The following FAM110B variants were observed in gnomAD, a reference collection of about 807,000 sequenced individuals.
The protein encoded by FAM110B is family with sequence similarity 110 member B.
FAM110B carries 6 observed loss-of-function variants against 20.4 expected under a neutral mutation model. That is an observed-to-expected ratio of 0.29 (90% CI 0.16 to 0.58). FAM110B has a LOEUF of 0.58. Among genes scored for constraint, FAM110B ranks in the 20% least tolerant of loss-of-function variants. The pLI is 0.90. For missense variants in FAM110B, 434 were observed against 498.2 expected (o/e 0.87, Z 1.23); for synonymous variants, 226 against 214.1 (o/e 1.06, Z -0.49).
chr8:58,054,743 G>T (rs1021680852), intron 2 of FAM110B, among the ~76,000 whole-genome samples: 1 of 152,144 alleles, frequency 6.6e-6, no homozygotes, highest in East Asian at 1.9e-4. Context: ...TTGATGGCGG[G>T]AGTGGGGAGA....
At chr8:58,137,228 C>T (rs1803639324) in intron 3 of FAM110B, among the ~76,000 whole-genome samples, 1 of 152,150 alleles carries the variant, frequency 6.6e-6, no homozygotes, top group Non-Finnish European at 1.5e-5. Context: ...TGGTGATTAT[C>T]AATGCCAAGT....
intron 2 of FAM110B, among the ~76,000 whole-genome samples, chr8:58,033,067 T>C (rs891967134): frequency 6.6e-6 from 1 of 151,982 alleles, no homozygotes; most frequent in Non-Finnish European, 1.5e-5. Flanking sequence ...CCCCTGTAAC[T>C]CCCCCCAGTA....
intron 1 of FAM110B, among the ~76,000 whole-genome samples, chr8:57,995,940 A>T (rs1163770661): frequency 3.3e-5 from 5 of 152,354 alleles, no homozygotes; most frequent in Non-Finnish European, 2.9e-5. Context: ...TTTTTGCAGT[A>T]TGGATAGTAG....
chr8:58,077,307 A>AG (rs1806062112), intron 3 of FAM110B: 1 of 152,236 alleles, frequency 6.6e-6, no homozygotes, highest in South Asian at 2.1e-4. Flanking sequence ...TAGAGAGCTG[A>AG]GGGGTTTCCT....
chr8:58,111,169 C>G (rs1406528945), intron 3 of FAM110B, among the ~76,000 whole-genome samples: 1 of 152,156 alleles, frequency 6.6e-6, no homozygotes, highest in Non-Finnish European at 1.5e-5. Context: ...TTTTCCCAAA[C>G]ATAAAGCAAA....
At chr8:58,062,677 T>C (rs1805681724) in intron 2 of FAM110B, among the ~76,000 whole-genome samples, 1 of 152,192 alleles carries the variant, frequency 6.6e-6, no homozygotes, top group Non-Finnish European at 1.5e-5. Context: ...CCCACTATAG[T>C]GGTAACAATC....
intron 2 of FAM110B, among the ~76,000 whole-genome samples, chr8:58,049,995 ATAAAT>A (rs1805407458): frequency 6.6e-6 from 1 of 152,220 alleles, no homozygotes; most frequent in African/African-American, 2.4e-5. Flanking sequence ...AGAAATGTAA[ATAAAT>A]TATATTGTTG....
chr8:58,126,572 G>GTC (rs1245340818), intron 3 of FAM110B, among the ~76,000 whole-genome samples: 1 of 152,010 alleles, frequency 6.6e-6, no homozygotes, highest in Non-Finnish European at 1.5e-5. Flanking sequence ...TGGGTGGTGT[G>GTC]TCTCTCTCTC....
intron 3 of FAM110B, among the ~76,000 whole-genome samples, chr8:58,125,337 G>GA (rs958457748): frequency 1.3e-4 from 20 of 150,382 alleles, no homozygotes; most frequent in African/African-American, 2.4e-4. Context: ...GACAGAGAAA[G>GA]AAAAAAAAAG....
chr8:58,036,646 G>A (rs1189876240), intron 2 of FAM110B, among the ~76,000 whole-genome samples: 1 of 152,192 alleles, frequency 6.6e-6, no homozygotes, highest in Non-Finnish European at 1.5e-5. Flanking sequence ...GGATAGATTA[G>A]TGAGAACCCC....
chr8:58,032,386 A>C (rs1011858261), intron 2 of FAM110B: 2 of 152,218 alleles, frequency 1.3e-5, no homozygotes, highest in African/African-American at 2.4e-5. Context: ...AAACAAATAA[A>C]TGTTACAGAT....
intron 2 of FAM110B, among the ~76,000 whole-genome samples, chr8:58,058,287 C>G (rs1400883236): frequency 6.6e-6 from 1 of 151,288 alleles, no homozygotes; most frequent in Non-Finnish European, 1.5e-5. Context: ...CTTCTTTGAC[C>G]TCAAGATGCT....
Position 58,146,673 on chromosome 8 carries a change from G to A in FAM110B, c.443G>A (p.Arg148Gln), listed in dbSNP as rs765086827. ...AGCTCCCGCAACTGGCCGCCCCACC[G>A]GTCGGAAGCCACTGACCTGCACCGT... is the stretch of plus-strand genomic sequence containing the variant. Reference protein sequence around the residue: ...KHSSRNWPPHRSEATDLHRHS... With the variant: ...KHSSRNWPPHQSEATDLHRHS... Residue 148 changes from arginine to glutamine, a missense_variant, in exon 4 of 4, where the codon CGG becomes CAG. Physicochemically the swap from Arg to Gln is conservative, Grantham distance 43 (BLOSUM62 1). This residue lies in a region of FAM110B where 284 missense variants were observed against 278.3 expected (regional missense o/e 1.02). Coordinates refer to ENST00000519262, the MANE Select transcript of FAM110B (RefSeq NM_001377989.1). The A allele has an allele frequency of 3.0e-5, 49 of 1,612,458 alleles. No homozygotes were observed. The highest frequency in any genetic ancestry group is 1.3e-4 in the Admixed American group (8 of 59,896).
At chr8:58,058,974 C>T (rs1805602650) in intron 2 of FAM110B, among the ~76,000 whole-genome samples, 1 of 152,102 alleles carries the variant, frequency 6.6e-6, no homozygotes, top group Non-Finnish European at 1.5e-5. Flanking sequence ...TTTCTACCTC[C>T]AGAAGAAATC....
At chr8:58,065,452 C>T (rs1332608642) in intron 2 of FAM110B, among the ~76,000 whole-genome samples, 1 of 152,074 alleles carries the variant, frequency 6.6e-6, no homozygotes, top group Non-Finnish European at 1.5e-5. Context: ...TAGAGGATGC[C>T]TATTAACATC....
At chr8:58,014,128 C>T (rs969917323) in intron 1 of FAM110B, among the ~76,000 whole-genome samples, 6 of 152,130 alleles carry the variant, frequency 3.9e-5, no homozygotes, top group South Asian at 4.2e-4. Flanking sequence ...AGTTCTTCCT[C>T]GAAGAGCCCT....
At chr8:58,037,327 G>GTTTT (rs762051989) in intron 2 of FAM110B, among the ~76,000 whole-genome samples, 18 of 150,768 alleles carry the variant, frequency 1.2e-4, no homozygotes, top group African/African-American at 4.2e-4. Flanking sequence ...TTGTTTGTTT[G>GTTTT]TTTTTTTAAT....
At chr8:58,012,534 TA>T (rs1159013828) in intron 1 of FAM110B, among the ~76,000 whole-genome samples, 2 of 152,142 alleles carry the variant, frequency 1.3e-5, no homozygotes, top group African/African-American at 4.8e-5. Context: ...TATTGAGTCC[TA>T]GGGGAAAAAA....
At chr8:58,133,867 T>G (rs755686020) in intron 3 of FAM110B, among the ~76,000 whole-genome samples, 7 of 152,230 alleles carry the variant, frequency 4.6e-5, no homozygotes, top group Non-Finnish European at 7.3e-5. Flanking sequence ...AGAGCTGAAC[T>G]GGGCCTGGGC....
Sources: allele counts gnomAD v4.1 joint callset (sites outside exome capture counted in the v4.1 genomes callset), GRCh38; gene constraint gnomAD v4.1.1; regional missense constraint gnomAD v4.1.1; transcripts MANE v1.5; gene names NCBI Gene and HGNC (gene_info 2026-07-23, HGNC 2026-07-21).